The following CDH20 variants were observed in gnomAD, a reference collection of about 807,000 sequenced individuals.
The protein encoded by CDH20 is cadherin-20.
CDH20 carries 29 observed loss-of-function variants against 74.2 expected under a neutral mutation model. The ratio of observed to expected loss-of-function variants is 0.39; its 90% CI spans 0.29 to 0.53. CDH20 has a LOEUF of 0.53. Among genes scored for constraint, CDH20 ranks in the 20% least tolerant of loss-of-function variants. The probability of loss-of-function intolerance (pLI) is 0.69; values close to 1 mark genes in which losing one functional copy is unlikely to be tolerated. For synonymous variants in CDH20, 469 were observed against 405.4 expected (o/e 1.16, Z -1.88); for missense variants, 988 against 1,048.3 (o/e 0.94, Z 0.79).
chr18:61,546,546 A>C (rs879667125), intron 10 of CDH20, among the ~76,000 whole-genome samples: 48 of 152,222 alleles, frequency 3.2e-4, no homozygotes, highest in Non-Finnish European at 6.0e-4. Flanking sequence ...TCCCGCAAAA[A>C]GTGCTTTCAA....
intron 6 of CDH20, among the ~76,000 whole-genome samples, chr18:61,519,123 GA>G (rs1265193860): frequency 6.6e-6 from 1 of 151,356 alleles, no homozygotes; most frequent in Non-Finnish European, 1.5e-5. Context: ...GGGACTACAT[GA>G]AAAGACCAAA....
intron 1 of CDH20, among the ~76,000 whole-genome samples, chr18:61,462,720 A>G (rs1243308602): frequency 8.4e-6 from 1 of 119,558 alleles, no homozygotes; most frequent in African/African-American, 3.2e-5. Context: ...TTACAAAAAA[A>G]AAAAGGGGGG....
chr18:61,456,034 A>G (rs569988792), intron 1 of CDH20, among the ~76,000 whole-genome samples: 1 of 152,344 alleles, frequency 6.6e-6, no homozygotes, highest in South Asian at 2.1e-4. Flanking sequence ...TTTACCCTAC[A>G]GAGTTCTAAA....
intron 1 of CDH20, among the ~76,000 whole-genome samples, chr18:61,426,760 A>T (rs536885838): frequency 6.6e-6 from 1 of 152,350 alleles, no homozygotes; most frequent in African/African-American, 2.4e-5. Context: ...AAACATTTGC[A>T]GTCACTGCTC....
intron 6 of CDH20, among the ~76,000 whole-genome samples, chr18:61,525,130 G>A (rs1403293009): frequency 6.6e-6 from 1 of 152,028 alleles, no homozygotes; most frequent in African/African-American, 2.4e-5. Flanking sequence ...GCACAGAGAG[G>A]GTCACGGGGG....
At chr18:61,538,614 G>GT (rs541920246) in intron 8 of CDH20, among the ~76,000 whole-genome samples, 22 of 57,570 alleles carry the variant, frequency 3.8e-4, no homozygotes, top group East Asian at 5.1e-4. Context: ...TTTTGTTTTT[G>GT]TTTTTGTTTT....
chr18:61,405,005 G>T, intron 1 of CDH20: 2 of 705,130 alleles, frequency 2.8e-6, no homozygotes, highest in South Asian at 1.4e-5. Flanking sequence ...CACCAGTTTT[G>T]ACCAACATTG....
intron 1 of CDH20, among the ~76,000 whole-genome samples, chr18:61,439,845 A>AGTTGG (rs1908968502): frequency 1.3e-5 from 2 of 152,196 alleles, no homozygotes; most frequent in Non-Finnish European, 2.9e-5. Flanking sequence ...GAGTCAGGTG[A>AGTTGG]GTTGGCTAAG....
At chr18:61,494,613 C>T (rs966954535) in intron 2 of CDH20, among the ~76,000 whole-genome samples, 2 of 152,062 alleles carry the variant, frequency 1.3e-5, no homozygotes, top group Non-Finnish European at 1.5e-5. Context: ...CCTTGAGCTC[C>T]GGAAGATGTC....
At chr18:61,474,821 G>A (rs1274224280) in intron 1 of CDH20, among the ~76,000 whole-genome samples, 2 of 152,072 alleles carry the variant, frequency 1.3e-5, no homozygotes, top group East Asian at 3.9e-4. Context: ...CAGGCCCGGG[G>A]ATCAATAGAT....
intron 1 of CDH20, among the ~76,000 whole-genome samples, chr18:61,440,106 A>G (rs1231085728): frequency 3.3e-5 from 5 of 152,286 alleles, no homozygotes; most frequent in African/African-American, 9.6e-5. Flanking sequence ...TCTTTCCTTA[A>G]TACAGTTACA....
chr18:61,507,382 A>G lies in CDH20; in HGVS notation c.839A>G (p.Gln280Arg). The G allele has an allele frequency of 1.2e-6, 2 of 1,613,258 alleles. No individual in the cohort carries two copies. The highest frequency in any genetic ancestry group is 2.2e-5 in the East Asian group (1 of 44,882). ...NPPRFPQKHYQMSVLESAPIS... is the reference protein window; with the variant it reads ...NPPRFPQKHYRMSVLESAPIS... ...TGGCTTTTCTTCGTAGAACATTACC[A>G]GATGAGTGTGTTGGAATCAGCTCCA... Residue 280 changes from glutamine (Q) to arginine (R), a missense_variant, in exon 6 of 12, where the codon CAG (glutamine) becomes CGG (arginine). Coordinates refer to ENST00000262717, the MANE Select transcript of CDH20 (RefSeq NM_031891.4).
chr18:61,520,651 G>A (rs1419677542), intron 6 of CDH20, among the ~76,000 whole-genome samples: 4 of 150,682 alleles, frequency 2.7e-5, no homozygotes, highest in South Asian at 4.2e-4. Flanking sequence ...TTCTCAGCAC[G>A]ACATCACCAA....
At chr18:61,489,361 A>G (rs1910876451) in intron 1 of CDH20, among the ~76,000 whole-genome samples, 2 of 152,146 alleles carry the variant, frequency 1.3e-5, no homozygotes, top group African/African-American at 2.4e-5. Flanking sequence ...ATCTCCAAAT[A>G]CACACATTTG....
intron 1 of CDH20, among the ~76,000 whole-genome samples, chr18:61,426,379 G>C (rs188386682): frequency 2.8e-4 from 42 of 152,070 alleles, no homozygotes; most frequent in Non-Finnish European, 4.7e-4. Flanking sequence ...ATTTAGAAAG[G>C]GTTTGAAAAT....
At chr18:61,540,723 C>A in intron 9 of CDH20, among the ~76,000 whole-genome samples, 1 of 152,186 alleles carries the variant, frequency 6.6e-6, no homozygotes, top group Non-Finnish European at 1.5e-5. Flanking sequence ...ACTTCTCTCA[C>A]TCCCTGGGAG....
chr18:61,410,631 T>C (rs925302065), intron 1 of CDH20, among the ~76,000 whole-genome samples: 7 of 152,174 alleles, frequency 4.6e-5, no homozygotes, highest in African/African-American at 1.7e-4. Context: ...ATATATTAAG[T>C]TGATATTTAA....
At chr18:61,373,733 C>A (rs1911118679) in intron 1 of CDH20, among the ~76,000 whole-genome samples, 1 of 152,180 alleles carries the variant, frequency 6.6e-6, no homozygotes, top group East Asian at 1.9e-4. Flanking sequence ...CCACCTGCCT[C>A]CTTCTTGCCT....
chr18:61,446,539 C>T (rs548633052), intron 1 of CDH20, among the ~76,000 whole-genome samples: 15 of 152,140 alleles, frequency 9.9e-5, no homozygotes, highest in African/African-American at 3.6e-4. Flanking sequence ...AGTTTTTACA[C>T]CCTCTTCATT....
Sources: gnomAD v4.1 joint callset for allele counts (sites outside exome capture counted in the v4.1 genomes callset) on GRCh38, gnomAD v4.1.1 for gene constraint, MANE v1.5 for transcripts, NCBI Gene and HGNC (gene_info 2026-07-23, HGNC 2026-07-21) for gene names.